Variants in FAM110B observed in about 807,000 individuals in gnomAD.
FAM110B encodes the protein family with sequence similarity 110 member B.
A neutral mutation model predicts 20.4 loss-of-function variants in FAM110B; 6 were observed. The observed-to-expected ratio is 0.29, with a 90% CI of 0.16 to 0.58. The LOEUF is 0.58. Among genes scored for constraint, FAM110B ranks in the 20% least tolerant of loss-of-function variants. FAM110B has a pLI of 0.90. For missense variants in FAM110B, 434 were observed against 498.2 expected, an observed-to-expected ratio of 0.87 and a Z score of 1.23; for synonymous variants, 226 against 214.1, an observed-to-expected ratio of 1.06 and a Z score of -0.49.
chr8:58,103,818 A>T (rs1806845847), intron 3 of FAM110B, among the ~76,000 whole-genome samples: 1 of 151,852 alleles, frequency 6.6e-6, no homozygotes, highest in African/African-American at 2.4e-5. Flanking sequence ...TCATTTAATG[A>T]CTTTTTTTGA....
At chr8:58,087,661 C>G (rs1344248677) in intron 3 of FAM110B, among the ~76,000 whole-genome samples, 1 of 152,178 alleles carries the variant, frequency 6.6e-6, no homozygotes, top group African/African-American at 2.4e-5. Context: ...TTTTCAAACC[C>G]TGTTCCCTGG....
At chr8:58,004,670 G>A (rs189445355) in intron 1 of FAM110B, among the ~76,000 whole-genome samples, 8 of 152,280 alleles carry the variant, frequency 5.3e-5, no homozygotes, top group South Asian at 2.1e-4. Context: ...GCTTGAGCCC[G>A]GGAAGCGGAG....
At chr8:57,996,352 A>G (rs771919262) in intron 1 of FAM110B, among the ~76,000 whole-genome samples, 2 of 152,116 alleles carry the variant, frequency 1.3e-5, no homozygotes, top group Non-Finnish European at 1.5e-5. Context: ...TTATCAAGCT[A>G]TGTGTTATTT....
chr8:58,073,387 A>G (rs1485339689), intron 2 of FAM110B, among the ~76,000 whole-genome samples: 1 of 152,184 alleles, frequency 6.6e-6, no homozygotes, highest in Non-Finnish European at 1.5e-5. Context: ...CCAATCCAGA[A>G]CTTACTATTT....
At chr8:58,113,532 C>T (rs937876732) in intron 3 of FAM110B, 2 of 181,964 alleles carry the variant, frequency 1.1e-5, no homozygotes, top group Admixed American at 5.3e-5. Context: ...GAGAGGAAGA[C>T]GTAATCTTCC....
intron 2 of FAM110B, among the ~76,000 whole-genome samples, chr8:58,038,242 C>T (rs950186460): frequency 4.6e-5 from 7 of 152,114 alleles, no homozygotes; most frequent in African/African-American, 1.4e-4. Flanking sequence ...ACAGAGCTGC[C>T]ATCACTCCTC....
chr8:58,097,874 G>C (rs1340364787), intron 3 of FAM110B, among the ~76,000 whole-genome samples: 1 of 152,204 alleles, frequency 6.6e-6, no homozygotes, highest in Non-Finnish European at 1.5e-5. Context: ...GTTTGCATGG[G>C]TATCACCAGC....
intron 3 of FAM110B, among the ~76,000 whole-genome samples, chr8:58,102,450 T>G (rs1001936632): frequency 2.0e-5 from 3 of 152,230 alleles, no homozygotes; most frequent in African/African-American, 4.8e-5. Context: ...GACTTTTGGT[T>G]CAGATTATAT....
At chr8:58,096,618 T>C (rs1359116691) in intron 3 of FAM110B, among the ~76,000 whole-genome samples, 5 of 152,240 alleles carry the variant, frequency 3.3e-5, no homozygotes, top group Non-Finnish European at 7.3e-5. Flanking sequence ...TGTTAGTTTA[T>C]GCAGTTTCTT....
At chr8:58,013,445 T>C (rs921382438) in intron 1 of FAM110B, among the ~76,000 whole-genome samples, 1 of 152,090 alleles carries the variant, frequency 6.6e-6, no homozygotes, top group Non-Finnish European at 1.5e-5. Context: ...TGTTTATATA[T>C]TGGAAAGGCC....
intron 3 of FAM110B, among the ~76,000 whole-genome samples, chr8:58,131,483 TCTAA>T (rs1803463613): frequency 1.3e-5 from 2 of 152,200 alleles, no homozygotes; most frequent in East Asian, 1.9e-4. Flanking sequence ...CTTACCAGCC[TCTAA>T]CTATTACCTC....
chr8:58,041,440 T>C (rs1805218713), intron 2 of FAM110B, among the ~76,000 whole-genome samples: 1 of 152,194 alleles, frequency 6.6e-6, no homozygotes, highest in African/African-American at 2.4e-5. Flanking sequence ...GTACCATCAG[T>C]GGTCCTCATT....
At chr8:58,120,283 C>A (rs1807324810) in intron 3 of FAM110B, among the ~76,000 whole-genome samples, 1 of 152,100 alleles carries the variant, frequency 6.6e-6, no homozygotes, top group African/African-American at 2.4e-5. Flanking sequence ...CCTGATCTAG[C>A]CCCTCTCATC....
Position 58,146,085 on chromosome 8 carries a change from G to A in FAM110B, c.-146G>A. 1 of 895,434 alleles carries A rather than the reference G, an allele frequency of 1.1e-6. No individual in the cohort carries two copies. The highest frequency in any genetic ancestry group is 1.9e-5 in the South Asian group (1 of 53,348). The allele number at this position is 895,434 out of a possible 1,614,324, so 55.5% of individuals were successfully genotyped here. A position where few individuals can be genotyped will look rare whatever the true frequency, so the allele number is the denominator to read the frequency against. ...CGTGGCGGTTAATGAGCTGTGAGAT[G>A]AGGCGCTGCTGCGGCCGCTGCTGCT... On this transcript the variant is annotated 5_prime_UTR_variant, in exon 4 of 4. The change abolishes an upstream ATG in the 5' untranslated region. Coordinates refer to ENST00000519262, the MANE Select transcript of FAM110B (RefSeq NM_001377989.1).
At chr8:58,016,550 G>T (rs866930302) in intron 1 of FAM110B, among the ~76,000 whole-genome samples, 1 of 152,194 alleles carries the variant, frequency 6.6e-6, no homozygotes, top group Admixed American at 6.5e-5. Flanking sequence ...CTATCCTGGC[G>T]CTGCTTGGTT....
intron 3 of FAM110B, chr8:58,113,201 C>G (rs1807108198): frequency 6.6e-6 from 1 of 152,138 alleles, no homozygotes; most frequent in Non-Finnish European, 1.5e-5. Flanking sequence ...ATGTCTGCAT[C>G]TTTTCAATTG....
intron 1 of FAM110B, among the ~76,000 whole-genome samples, chr8:58,014,203 T>A (rs912832576): frequency 6.6e-6 from 1 of 152,180 alleles, no homozygotes; most frequent in Non-Finnish European, 1.5e-5. Flanking sequence ...TAGAGCTTCC[T>A]GGGCCTCCCT....
In FAM110B at chr8:58,020,485, T is replaced by C. The variant is rs1214582596; in HGVS notation, c.-511-11121T>C. ...GAGATAAGGCTAAAGAGCTGTATATTCAGATTCCTGAACATTTAGTTAAGG... is the reference window on the plus strand; with the variant it reads ...GAGATAAGGCTAAAGAGCTGTATATCCAGATTCCTGAACATTTAGTTAAGG... On this transcript the variant is annotated intron_variant, in intron 1 of 3. Coordinates refer to ENST00000519262, the MANE Select transcript of FAM110B (RefSeq NM_001377989.1). Among the ~76,000 whole-genome samples, 3 of 152,238 alleles carry C rather than the reference T, an allele frequency of 2.0e-5. No individual in the cohort carries two copies. The East Asian group carries it at 5.8e-4, about 29-fold the overall frequency.
Position 58,105,783 on chromosome 8 carries a change from G to A in FAM110B, c.-325+30160G>A, listed in dbSNP as rs188406086. ...GACAGGGTTTCACCATATTAGCCAG[G>A]ATGCTCTCAATCTCCTGACCTTGTG... On this transcript the variant is annotated intron_variant, in intron 3 of 3. Transcript: ENST00000519262. 2.8e-3 allele frequency among the ~76,000 whole-genome samples: 425 copies of A among 151,780 alleles called. 1 individual carries two copies. The highest frequency in any genetic ancestry group is 4.7e-3 in the Non-Finnish European group (320 of 67,922).
Sources: allele counts gnomAD v4.1 joint callset (sites outside exome capture counted in the v4.1 genomes callset), GRCh38; gene constraint gnomAD v4.1.1; transcripts MANE v1.5; gene names NCBI Gene and HGNC (gene_info 2026-07-23, HGNC 2026-07-21).